Variants in ASIC2 observed in about 807,000 individuals in gnomAD.
ASIC2 encodes acid sensing ion channel subunit 2.
A neutral mutation model predicts 57.3 loss-of-function variants in ASIC2; 25 were observed. That is an observed-to-expected ratio of 0.44 (90% CI 0.32 to 0.61). ASIC2 has a LOEUF of 0.61. Ranked by LOEUF, ASIC2 falls within the 20% of genes least tolerant of loss-of-function variation. The pLI is 0.06. For missense variants in ASIC2, 641 were observed against 738.1 expected, an observed-to-expected ratio of 0.87 and a Z score of 1.52; for synonymous variants, 319 against 307.5, an observed-to-expected ratio of 1.04 and a Z score of -0.39.
chr17:34,111,684 C>CA (rs1304620548), intron 1 of ASIC2, among the ~76,000 whole-genome samples: 1 of 152,184 alleles, frequency 6.6e-6, no homozygotes, highest in African/African-American at 2.4e-5. Flanking sequence ...AATCTGCATT[C>CA]AAATGCAGTC....
At chr17:33,607,853 G>A (rs1294999415) in intron 1 of ASIC2, among the ~76,000 whole-genome samples, 1 of 152,172 alleles carries the variant, frequency 6.6e-6, no homozygotes, top group Non-Finnish European at 1.5e-5. Context: ...GAGTGTCCCT[G>A]GGACTCAAAT....
intron 1 of ASIC2, among the ~76,000 whole-genome samples, chr17:34,011,331 C>G (rs1003030535): frequency 6.6e-6 from 1 of 152,130 alleles, no homozygotes; most frequent in South Asian, 2.1e-4. Flanking sequence ...TTGCTTCCCA[C>G]TTAAGGTCTA....
chr17:33,730,288 G>T (rs1304681036), intron 1 of ASIC2, among the ~76,000 whole-genome samples: 2 of 152,162 alleles, frequency 1.3e-5, no homozygotes, highest in African/African-American at 2.4e-5. Context: ...CACAGGGAGA[G>T]GTAAATCAGA....
At chr17:33,111,888 C>T (rs1199590892) in intron 2 of ASIC2, 29 bp downstream of exon 2, 1 of 1,593,378 alleles carries the variant, frequency 6.3e-7, no homozygotes, top group Admixed American at 1.7e-5. Context: ...CCACCATCAC[C>T]CAATGCCCGG....
intron 1 of ASIC2, among the ~76,000 whole-genome samples, chr17:33,594,567 A>T (rs1442295947): frequency 1.3e-5 from 2 of 151,876 alleles, no homozygotes; most frequent in Non-Finnish European, 2.9e-5. Context: ...AGTGGCTCAC[A>T]CCTGTAATCC....
In ASIC2 at chr17:33,245,369, A is replaced by G. The variant is rs570421412; in HGVS notation, c.708+46039T>C. 3.6e-3 allele frequency among the ~76,000 whole-genome samples: 542 copies of G among 152,258 alleles called. 2 individuals are homozygous for G. Among genetic ancestry groups the G allele is most frequent in the Non-Finnish European group, 6.4e-3 (436 of 68,002 alleles). ...ATTTCAGCTCATCTTTGGGTTAAACATCTGCTCTCCCATCTTGAGTCAATA... is the reference window on the plus strand; with the variant it reads ...ATTTCAGCTCATCTTTGGGTTAAACGTCTGCTCTCCCATCTTGAGTCAATA... On this transcript the variant is annotated intron_variant, in intron 1 of 9. Transcript: ENST00000225823.
chr17:34,006,262 A>T (rs1444317273), intron 1 of ASIC2: 2 of 152,288 alleles, frequency 1.3e-5, no homozygotes, highest in Non-Finnish European at 2.9e-5. Context: ...GCTTTCCAGG[A>T]GGAAGAATCA....
intron 1 of ASIC2, among the ~76,000 whole-genome samples, chr17:33,463,999 A>C (rs1232315465): frequency 6.8e-6 from 1 of 147,868 alleles, no homozygotes; most frequent in Non-Finnish European, 1.5e-5. Flanking sequence ...TGGCATCTGA[A>C]CACCTAATCA....
chr17:33,546,243 A>G (rs2141973049), intron 1 of ASIC2, among the ~76,000 whole-genome samples: 1 of 151,968 alleles, frequency 6.6e-6, no homozygotes, highest in African/African-American at 2.4e-5. Flanking sequence ...ACACAATCAC[A>G]TATATTCATC....
At chr17:34,039,673 G>A (rs1284609598) in intron 1 of ASIC2, 2 of 1,612,538 alleles carry the variant, frequency 1.2e-6, no homozygotes, top group South Asian at 2.2e-5. Context: ...ATATGGTTCA[G>A]CTTTTCTTTT....
chr17:33,607,031 T>C (rs1277831602), intron 1 of ASIC2, among the ~76,000 whole-genome samples: 1 of 152,134 alleles, frequency 6.6e-6, no homozygotes, highest in Non-Finnish European at 1.5e-5. Context: ...TGGAGGAGCA[T>C]GTACCAAGCC....
chr17:33,704,561 C>T (rs1025360188), intron 1 of ASIC2, among the ~76,000 whole-genome samples: 4 of 152,168 alleles, frequency 2.6e-5, no homozygotes, highest in East Asian at 1.9e-4. Flanking sequence ...TACTCTATGT[C>T]GCACTTCTTT....
At chr17:33,286,145 T>C (rs918743266) in intron 1 of ASIC2, among the ~76,000 whole-genome samples, 1 of 152,284 alleles carries the variant, frequency 6.6e-6, no homozygotes, top group Non-Finnish European at 1.5e-5. Flanking sequence ...AATATGTTGC[T>C]GAAATGATTT....
chr17:33,543,685 T>A (rs1248173868), intron 1 of ASIC2, among the ~76,000 whole-genome samples: 1 of 152,198 alleles, frequency 6.6e-6, no homozygotes, highest in Non-Finnish European at 1.5e-5. Flanking sequence ...TTACGTACAT[T>A]ACCTCGCTTA....
chr17:34,131,651 T>C (rs1911967358), intron 1 of ASIC2, among the ~76,000 whole-genome samples: 1 of 152,188 alleles, frequency 6.6e-6, no homozygotes, highest in Admixed American at 6.5e-5. Flanking sequence ...CTAAACCCTG[T>C]CCACAAATGC....
At chr17:33,698,828 G>T (rs555397610) in intron 1 of ASIC2, among the ~76,000 whole-genome samples, 2 of 152,226 alleles carry the variant, frequency 1.3e-5, no homozygotes, top group East Asian at 1.9e-4. Flanking sequence ...ATGGAGACCC[G>T]CAGCTCATTT....
intron 1 of ASIC2, among the ~76,000 whole-genome samples, chr17:33,813,582 G>A (rs942349270): frequency 3.9e-5 from 6 of 152,116 alleles, no homozygotes; most frequent in South Asian, 2.1e-4. Flanking sequence ...GACTACAGGC[G>A]CCCGCCACCA....
chr17:33,311,494 G>A (rs936679929), intron 1 of ASIC2, among the ~76,000 whole-genome samples: 3 of 151,892 alleles, frequency 2.0e-5, no homozygotes, highest in Non-Finnish European at 4.4e-5. Context: ...GTCAGGGTAG[G>A]GGAATGCAGG....
chr17:33,923,951 AC>A (rs1915766839), intron 1 of ASIC2, among the ~76,000 whole-genome samples: 2 of 152,244 alleles, frequency 1.3e-5, no homozygotes, highest in East Asian at 3.9e-4. Flanking sequence ...AGAGCCCCGG[AC>A]TCACAGGCAG....
Sources: allele counts gnomAD v4.1 joint callset (sites outside exome capture counted in the v4.1 genomes callset), GRCh38; gene constraint gnomAD v4.1.1; transcripts MANE v1.5; gene names NCBI Gene and HGNC (gene_info 2026-07-23, HGNC 2026-07-21).